SLC16A10: variants seen among roughly 807,000 people sequenced by gnomAD.
SLC16A10 encodes monocarboxylate transporter 10.
In SLC16A10, 27 loss-of-function variants were observed where a neutral mutation model predicts 40.0. The observed-to-expected ratio is 0.67, with a 90% CI of 0.50 to 0.93. The LOEUF (loss-of-function observed/expected upper bound fraction) is 0.93. SLC16A10 is among the 40% of genes least tolerant of loss of function. SLC16A10 has a pLI of 0.00. For synonymous variants in SLC16A10, 213 were observed against 249.8 expected (o/e 0.85, Z 1.39); for missense variants, 529 against 658.2 (o/e 0.80, Z 2.15).
rs543427108 is a variant in SLC16A10 at position 111,148,591 on chromosome 6, T to C, written c.344-24104T>C. ...TATGTTTTTAGAATATTAAGGCTTG[T>C]TTGTGCATGACAACTTTAGGAAGGT... On this transcript the variant is annotated intron_variant, in intron 1 of 5. Coordinates refer to ENST00000368851, the MANE Select transcript of SLC16A10 (RefSeq NM_018593.5). Among the ~76,000 whole-genome samples, 5 of 152,334 alleles carry C rather than the reference T, an allele frequency of 3.3e-5. No homozygotes were observed. In the South Asian group the frequency reaches 1.0e-3, roughly 32 times the overall value.
chr6:111,181,867 T>C (rs1231192233), intron 3 of SLC16A10, among the ~76,000 whole-genome samples: 3 of 152,260 alleles, frequency 2.0e-5, no homozygotes, highest in Non-Finnish European at 2.9e-5. Context: ...TCAATTTAGA[T>C]GAGGCCTAAC....
intron 1 of SLC16A10, among the ~76,000 whole-genome samples, chr6:111,127,400 C>T (rs1050332691): frequency 4.6e-5 from 7 of 152,080 alleles, no homozygotes; most frequent in African/African-American, 1.2e-4. Context: ...GGATCACAGG[C>T]GGCACATTTT....
At chr6:111,117,674 C>T (rs1771512947) in intron 1 of SLC16A10, among the ~76,000 whole-genome samples, 1 of 152,102 alleles carries the variant, frequency 6.6e-6, no homozygotes, top group Middle Eastern at 3.2e-3. Context: ...TACCAAAACC[C>T]CACAGATCCT....
At position 111,185,799 on chromosome 6, in the gene SLC16A10, C is replaced by T. The variant is rs184670451; in HGVS notation, c.942+8134C>T. Among the ~76,000 whole-genome samples, 356 of 152,120 alleles carry T rather than the reference C, an allele frequency of 2.3e-3. 4 individuals are homozygous for T. Among genetic ancestry groups the T allele is most frequent in the African/African-American group, 1.1e-3 (47 of 41,488 alleles). On this transcript the variant is annotated intron_variant, in intron 3 of 5. Transcript: ENST00000368851. ...TGCTTGAAATTTAGTCACATATAAACGCTCCGAGGCCACTGGTGGATCATT... is the reference window on the plus strand; with the variant it reads ...TGCTTGAAATTTAGTCACATATAAATGCTCCGAGGCCACTGGTGGATCATT...
intron 1 of SLC16A10, among the ~76,000 whole-genome samples, chr6:111,093,879 T>C (rs1028540870): frequency 1.3e-5 from 2 of 152,148 alleles, no homozygotes; most frequent in South Asian, 2.1e-4. Context: ...ATAAAAATGG[T>C]TCTAGGATTT....
intron 1 of SLC16A10, among the ~76,000 whole-genome samples, chr6:111,115,314 A>G (rs1771465887): frequency 6.6e-6 from 1 of 152,200 alleles, no homozygotes; most frequent in Non-Finnish European, 1.5e-5. Context: ...GTGTTCAAGC[A>G]GTTCTCTGCC....
At chr6:111,103,047 A>G (rs1771217091) in intron 1 of SLC16A10, among the ~76,000 whole-genome samples, 1 of 152,104 alleles carries the variant, frequency 6.6e-6, no homozygotes, top group Non-Finnish European at 1.5e-5. Flanking sequence ...CTGGGACTAC[A>G]AGTGCATGTC....
At chr6:111,118,143 A>G (rs1319816562) in intron 1 of SLC16A10, among the ~76,000 whole-genome samples, 1 of 152,254 alleles carries the variant, frequency 6.6e-6, no homozygotes, top group Admixed American at 6.5e-5. Context: ...AGAAATGTAA[A>G]TAACAAATAT....
At chr6:111,138,187 C>T (rs1363253862) in intron 1 of SLC16A10, among the ~76,000 whole-genome samples, 4 of 152,154 alleles carry the variant, frequency 2.6e-5, no homozygotes, top group Non-Finnish European at 5.9e-5. Context: ...AAAAGTCCTA[C>T]ACTAACATTG....
chr6:111,127,184 G>T (rs1476874757), intron 1 of SLC16A10, among the ~76,000 whole-genome samples: 1 of 152,246 alleles, frequency 6.6e-6, no homozygotes, highest in African/African-American at 2.4e-5. Context: ...TTTAGTGGTA[G>T]AAATGGTAAA....
At chr6:111,187,304 G>C (rs1187281489) in intron 3 of SLC16A10, among the ~76,000 whole-genome samples, 1 of 152,138 alleles carries the variant, frequency 6.6e-6, no homozygotes, top group Non-Finnish European at 1.5e-5. Flanking sequence ...GATTTGGGGT[G>C]GCGAAACAAC....
chr6:111,171,807 C>A (rs375863127), intron 1 of SLC16A10, among the ~76,000 whole-genome samples: 2 of 131,718 alleles, frequency 1.5e-5, no homozygotes, highest in East Asian at 2.1e-4. Context: ...CGGAGTGAGA[C>A]CTTTTCTCAA....
intron 3 of SLC16A10, 103 bp downstream of exon 3, chr6:111,177,768 C>A: frequency 9.4e-7 from 1 of 1,061,952 alleles, no homozygotes; most frequent in Non-Finnish European, 1.3e-6. Flanking sequence ...AAACATTATC[C>A]TGGTTGTAAT....
intron 1 of SLC16A10, among the ~76,000 whole-genome samples, chr6:111,104,848 C>T (rs1273477506): frequency 6.6e-6 from 1 of 151,864 alleles, no homozygotes; most frequent in African/African-American, 2.4e-5. Context: ...AAAAGTATGG[C>T]CGCACTGAGA....
chr6:111,204,375 A>G (rs1344187259), intron 3 of SLC16A10, among the ~76,000 whole-genome samples: 1 of 152,196 alleles, frequency 6.6e-6, no homozygotes, highest in African/African-American at 2.4e-5. Context: ...AGTTCAGCAC[A>G]GGGCCTGTTG....
In SLC16A10 at chr6:111,097,589, C is replaced by T. The variant is rs568483404; in HGVS notation, c.343+9494C>T. 3.8e-4 allele frequency among the ~76,000 whole-genome samples: 58 copies of T among 152,300 alleles called. 1 individual carries two copies. Among genetic ancestry groups the T allele is most frequent in the Middle Eastern group, 3.4e-3 (1 of 294 alleles). ...TCAGTCTCCCAAAGTGCTGGGATTA[C>T]AGGCATGAGCCACCATGCCCGGCCA... On this transcript the variant is annotated intron_variant, in intron 1 of 5. Coordinates refer to ENST00000368851, the MANE Select transcript of SLC16A10 (RefSeq NM_018593.5).
chr6:111,195,294 T>C (rs376487273), intron 3 of SLC16A10, among the ~76,000 whole-genome samples: 7 of 152,158 alleles, frequency 4.6e-5, no homozygotes, highest in Non-Finnish European at 8.8e-5. Context: ...GCACGAATAC[T>C]GTATGGTTCC....
chr6:111,197,996 C>G (rs770060178), intron 3 of SLC16A10, among the ~76,000 whole-genome samples: 8 of 152,128 alleles, frequency 5.3e-5, no homozygotes, highest in Non-Finnish European at 1.0e-4. Flanking sequence ...ATATCAGAAG[C>G]CTATCTTAGG....
chr6:111,130,960 A>C lies in SLC16A10; in HGVS notation c.344-41735A>C, dbSNP rs1771770633. On this transcript the variant is annotated intron_variant, in intron 1 of 5. Coordinates refer to ENST00000368851, the MANE Select transcript of SLC16A10 (RefSeq NM_018593.5). ...GATACTAATTATGCCATCATAGGGTAGGTATGAGGATTAAATGAGTGAGTA... is the reference window on the plus strand; with the variant it reads ...GATACTAATTATGCCATCATAGGGTCGGTATGAGGATTAAATGAGTGAGTA... Among the ~76,000 whole-genome samples the C allele has an allele frequency of 2.6e-5, 4 of 152,238 alleles. No homozygotes were observed. In the South Asian group the frequency reaches 8.3e-4, roughly 32 times the overall value.
Sources: gnomAD v4.1 joint callset for allele counts (sites outside exome capture counted in the v4.1 genomes callset) on GRCh38, gnomAD v4.1.1 for gene constraint, MANE v1.5 for transcripts, NCBI Gene and HGNC (gene_info 2026-07-23, HGNC 2026-07-21) for gene names.